Variants in PRDM15 observed in about 807,000 individuals in gnomAD.
The protein encoded by PRDM15 is PR domain zinc finger protein 15.
In PRDM15, 64 loss-of-function variants were observed where a neutral mutation model predicts 128.6. The observed-to-expected ratio is 0.50, with a 90% CI of 0.41 to 0.61. The LOEUF is 0.61. Ranked by LOEUF, PRDM15 falls within the 20% of genes least tolerant of loss-of-function variation. PRDM15 has a pLI of 0.00. For synonymous variants in PRDM15, 615 were observed against 621.8 expected (o/e 0.99, Z 0.16); for missense variants, 1,242 against 1,569.1 (o/e 0.79, Z 3.52).
chr21:41,858,519 G>A (rs913617963), intron 3 of PRDM15, among the ~76,000 whole-genome samples: 13 of 151,232 alleles, frequency 8.6e-5, no homozygotes, highest in Non-Finnish European at 1.0e-4. Flanking sequence ...AGGCCCCTCC[G>A]ACAGAGGCGG....
intron 1 of PRDM15, chr21:41,870,944 G>A (rs3746898): frequency 0.81 from 122,752 of 152,012 alleles, 49,943 homozygotes; most frequent in Non-Finnish European, 0.86. Context: ...TTCCCTTACA[G>A]TAAGAGGGGT....
Position 41,879,151 on chromosome 21 carries a change from CGGGGGG to C in PRDM15, c.-10+113_-10+118del. ...CGGGGCGGCGCGCGGCTGCCGGGCG[CGGGGGG>C]CGGGGGGCAGCGGGCCCAGGGCGCG... On this transcript the variant is annotated intron_variant, in intron 1 of 23. Coordinates refer to ENST00000398548, the MANE Select transcript of PRDM15 (RefSeq NM_001040424.3). The surrounding 1 kb of genome is among the most constrained non-coding windows in gnomAD (Gnocchi z 5.1). The C allele has an allele frequency of 1.2e-6, 1 of 853,316 alleles. No homozygotes were observed. Among genetic ancestry groups the C allele is most frequent in the Non-Finnish European group, 1.4e-6 (1 of 711,896 alleles). The allele number at this position is 853,316 out of a possible 1,614,324, so 52.9% of individuals were successfully genotyped here. A position where few individuals can be genotyped will look rare whatever the true frequency, so the allele number is the denominator to read the frequency against.
Position 41,854,496 on chromosome 21 carries a change from G to A in PRDM15, c.538+70C>T, listed in dbSNP as rs2063517526. On this transcript the variant is annotated intron_variant, in intron 5 of 23. Coordinates refer to ENST00000398548, the MANE Select transcript of PRDM15 (RefSeq NM_001040424.3). This position sits in a 1 kb window ranked among gnomAD's most constrained non-coding sequence, Gnocchi z 4.6. ...CTCATCAGTGTGGGGTCAGCACAGA[G>A]CCAAGGGACCATAACCCCTTCGGCG... 22 of 1,579,294 alleles carry A rather than the reference G, an allele frequency of 1.4e-5. No individual in the cohort carries two copies. The South Asian group carries it at 2.3e-4, about 16-fold the overall frequency.
Position 41,820,054 on chromosome 21 carries a change from T to C in PRDM15, c.2140+41A>G, listed in dbSNP as rs751348314. ...CCAGCATCCCTCCCTGCCAGCCCCC[T>C]CCAGCGAGGGCCGGGACCCCAAATG... On this transcript the variant is annotated intron_variant, in intron 17 of 23. Transcript: ENST00000398548. The C allele has an allele frequency of 1.9e-6, 3 of 1,561,224 alleles. No individual in the cohort carries two copies. In the South Asian group the frequency reaches 3.3e-5, roughly 17 times the overall value.
At position 41,810,471 on chromosome 21, in the gene PRDM15, G is replaced by A; in HGVS notation, c.2477-142C>T. 1.1e-6 allele frequency: 1 copy of A among 924,040 alleles called. No individual in the cohort carries two copies. Among genetic ancestry groups the A allele is most frequent in the South Asian group, 1.6e-5 (1 of 62,222 alleles). The allele number at this position is 924,040 out of a possible 1,614,324, so 57.2% of individuals were successfully genotyped here. A position where few individuals can be genotyped will look rare whatever the true frequency, so the allele number is the denominator to read the frequency against. On this transcript the variant is annotated intron_variant, in intron 20 of 23. Transcript: ENST00000398548. The surrounding 1 kb of genome is among the most constrained non-coding windows in gnomAD (Gnocchi z 6.4). ...CGCCCATCCTGAGAGGGCCGGTGCT[G>A]GTCCCCGAGCACACATGAGCACAGA...
Position 41,822,002 on chromosome 21 carries a change from C to T in PRDM15, c.1797G>A (p.Glu599=), listed in dbSNP as rs771139654. 3 of 1,614,198 alleles carry T rather than the reference C, an allele frequency of 1.9e-6. No homozygotes were observed. Among genetic ancestry groups the T allele is most frequent in the Admixed American group, 3.3e-5 (2 of 60,036 alleles). Residue 599 remains glutamate (E), a synonymous_variant, in exon 15 of 24, where the codon GAG becomes GAA. Transcript: ENST00000398548. ...IALMDDHQRE[E]FIGKIGISSE... ...AGGAGATCCCGATCTTGCCGATAAACTCTTCCCTCTGGTGGTCATCCATCA... is the reference window on the plus strand; with the variant it reads ...AGGAGATCCCGATCTTGCCGATAAATTCTTCCCTCTGGTGGTCATCCATCA...
intron 5 of PRDM15, among the ~76,000 whole-genome samples, chr21:41,853,478 G>C (rs1232536687): frequency 1.3e-5 from 2 of 152,138 alleles, no homozygotes; most frequent in African/African-American, 4.8e-5. Context: ...GCTCCCCTGG[G>C]TAGTGTCAGC....
At chr21:41,870,181 T>G (rs1281844818) in intron 1 of PRDM15, among the ~76,000 whole-genome samples, 1 of 152,250 alleles carries the variant, frequency 6.6e-6, no homozygotes, top group Non-Finnish European at 1.5e-5. Context: ...ATATGTAATT[T>G]TAGTAACATT....
intron 1 of PRDM15, chr21:41,871,487 A>T: frequency 6.3e-7 from 1 of 1,589,592 alleles, no homozygotes; most frequent in Non-Finnish European, 8.6e-7. Context: ...TACTGGAGTG[A>T]GCCCACCAGG....
rs1399348663 is a variant in PRDM15 at position 41,823,159 on chromosome 21, C to T, written c.1761+159G>A. 3 of 933,436 alleles carry T rather than the reference C, an allele frequency of 3.2e-6. No individual in the cohort carries two copies. In the South Asian group the frequency reaches 4.2e-5, roughly 13 times the overall value. 57.8% of individuals were successfully genotyped at this position (933,436 alleles called of 1,614,324 possible). On this transcript the variant is annotated intron_variant, in intron 14 of 23. Transcript: ENST00000398548. ...AAGTGAGCCTCGCCAGACACCGAAT[C>T]TATGGGGGCTTTGGGGTCTAGCCTC...
chr21:41,824,330 C>T (rs528663437), intron 13 of PRDM15, among the ~76,000 whole-genome samples: 9 of 152,148 alleles, frequency 5.9e-5, no homozygotes, highest in Non-Finnish European at 8.8e-5. Context: ...GGCAATGCGA[C>T]AGGGTGAAAG....
intron 8 of PRDM15, 177 bp from the exon 9 acceptor site, chr21:41,836,826 C>A (rs1286551209): frequency 9.4e-6 from 5 of 531,720 alleles, no homozygotes; most frequent in Non-Finnish European, 1.7e-5. Context: ...GAAAGGGACA[C>A]CTTGAATATA....
rs146558934 is a variant in PRDM15, at chr21:41,823,414, C to A, written c.1665G>T (p.Leu555=). 1.4e-3 allele frequency: 2,112 copies of A among 1,559,676 alleles called. 25 individuals are homozygous for A. The African/African-American group carries it at 0.023, about 17-fold the overall frequency. Residue 555 remains leucine, a synonymous_variant, in exon 14 of 24, where the codon CTG becomes CTT. Coordinates refer to ENST00000398548, the MANE Select transcript of PRDM15 (RefSeq NM_001040424.3). ...TGTACTTCTTGTCGCCGTGGGTGAGCAGGTGCTTGTTCATATTGCTCCGGC... is the reference window on the plus strand; with the variant it reads ...TGTACTTCTTGTCGCCGTGGGTGAGAAGGTGCTTGTTCATATTGCTCCGGC... ...FSCRSNMNKH[L]LTHGDKKYTC... is the part of the protein sequence containing the mutation.
chr21:41,814,908 GT>G (rs2061994766), intron 19 of PRDM15: 1 of 146,970 alleles, frequency 6.8e-6, no homozygotes, highest in African/African-American at 2.6e-5. Flanking sequence ...GTGCTCTAGT[GT>G]TTTATAAGAT....
chr21:41,812,258 C>G (rs1381523727), intron 19 of PRDM15: 1 of 152,196 alleles, frequency 6.6e-6, no homozygotes, highest in Non-Finnish European at 1.5e-5. Context: ...ACATCAAACT[C>G]ATAGACAGAA....
At chr21:41,823,664 C>A (rs536340552) in intron 13 of PRDM15, among the ~76,000 whole-genome samples, 2 of 152,314 alleles carry the variant, frequency 1.3e-5, no homozygotes, top group Middle Eastern at 3.4e-3. Context: ...CAGGTGCTTA[C>A]GTTACAATAG....
chr21:41,879,121 T>C lies in PRDM15; in HGVS notation c.-10+149A>G. 1 of 1,045,432 alleles carries C rather than the reference T, an allele frequency of 9.6e-7. No individual in the cohort carries two copies. The highest frequency in any genetic ancestry group is 1.2e-6 in the Non-Finnish European group (1 of 856,532). The allele number at this position is 1,045,432 out of a possible 1,614,324, so 64.8% of individuals were successfully genotyped here. A position where few individuals can be genotyped will look rare whatever the true frequency, so the allele number is the denominator to read the frequency against. ...AACAAAGAACAGTCGGCATGGCGGC[T>C]GGACCGGGGCGGCGCGCGGCTGCCG... On this transcript the variant is annotated intron_variant, in intron 1 of 23. Coordinates refer to ENST00000398548, the MANE Select transcript of PRDM15 (RefSeq NM_001040424.3). The surrounding 1 kb of genome is among the most constrained non-coding windows in gnomAD (Gnocchi z 5.1).
intron 1 of PRDM15, among the ~76,000 whole-genome samples, chr21:41,868,979 C>T (rs1457225789): frequency 1.3e-5 from 2 of 152,118 alleles, no homozygotes; most frequent in African/African-American, 4.8e-5. Context: ...TGAGCCACTG[C>T]GCCCGGCCCT....
intron 19 of PRDM15, chr21:41,812,366 T>C (rs374530933): frequency 2.6e-5 from 4 of 152,232 alleles, no homozygotes; most frequent in Admixed American, 2.6e-4. Flanking sequence ...AGAACCAGCA[T>C]AGCCATCATC....
Sources: gnomAD v4.1 joint callset for allele counts (sites outside exome capture counted in the v4.1 genomes callset) on GRCh38, gnomAD v4.1.1 for gene constraint, Gnocchi (gnomAD v3.1) non-coding constraint, MANE v1.5 for transcripts, NCBI Gene and HGNC (gene_info 2026-07-23, HGNC 2026-07-21) for gene names.